The following GMDS variants were observed in gnomAD, a reference collection of about 807,000 sequenced individuals.
GMDS encodes the protein GDP-mannose 4,6-dehydratase.
GMDS carries 20 observed loss-of-function variants against 49.9 expected under a neutral mutation model. That is an observed-to-expected ratio of 0.40 (90% CI 0.28 to 0.58). The LOEUF (loss-of-function observed/expected upper bound fraction) is 0.58, where lower values mean the gene tolerates loss of function less well. Among genes scored for constraint, GMDS ranks in the 20% least tolerant of loss-of-function variants. The pLI, the probability that GMDS is intolerant of heterozygous loss-of-function variation, is 0.42. For synonymous variants in GMDS, 177 were observed against 178.6 expected, an observed-to-expected ratio of 0.99 and a Z score of 0.07; for missense variants, 362 against 481.4, an observed-to-expected ratio of 0.75 and a Z score of 2.32.
chr6:2,080,533 C>G (rs534683510), intron 4 of GMDS, among the ~76,000 whole-genome samples: 13 of 152,256 alleles, frequency 8.5e-5, no homozygotes, highest in African/African-American at 2.9e-4. Context: ...AGCTATGATT[C>G]TAGATGTATG....
At chr6:1,865,299 T>C (rs913534562) in intron 7 of GMDS, among the ~76,000 whole-genome samples, 3 of 152,226 alleles carry the variant, frequency 2.0e-5, no homozygotes, top group Non-Finnish European at 4.4e-5. Flanking sequence ...GAAAAATTAC[T>C]ACTAGGAATA....
intron 9 of GMDS, among the ~76,000 whole-genome samples, chr6:1,664,258 A>G (rs899635716): frequency 1.3e-5 from 2 of 152,192 alleles, no homozygotes; most frequent in Non-Finnish European, 1.5e-5. Flanking sequence ...GTCAGCCTTC[A>G]GTCAAAACTA....
At chr6:1,815,470 C>T (rs981483661) in intron 7 of GMDS, among the ~76,000 whole-genome samples, 1 of 152,162 alleles carries the variant, frequency 6.6e-6, no homozygotes, top group Non-Finnish European at 1.5e-5. Flanking sequence ...CTGAATAGAT[C>T]CCTAGACCTG....
chr6:1,997,286 A>G (rs1012257283), intron 4 of GMDS, among the ~76,000 whole-genome samples: 2 of 151,912 alleles, frequency 1.3e-5, no homozygotes, highest in Non-Finnish European at 2.9e-5. Context: ...AAGGTGGGCA[A>G]ATCACGAGGT....
intron 1 of GMDS, among the ~76,000 whole-genome samples, chr6:2,202,262 C>T (rs1006326046): frequency 6.7e-6 from 1 of 149,664 alleles, no homozygotes; most frequent in Non-Finnish European, 1.5e-5. Context: ...ACATGGACAT[C>T]CGAGATGAAA....
chr6:1,745,247 A>C (rs1351694684), intron 7 of GMDS, among the ~76,000 whole-genome samples: 1 of 152,220 alleles, frequency 6.6e-6, no homozygotes, highest in East Asian at 1.9e-4. Flanking sequence ...GGTCTCAAAA[A>C]AGTCCTATTT....
At chr6:2,222,004 A>C (rs774572731) in intron 1 of GMDS, among the ~76,000 whole-genome samples, 2 of 152,204 alleles carry the variant, frequency 1.3e-5, no homozygotes, top group Non-Finnish European at 2.9e-5. Flanking sequence ...GAAATACAAA[A>C]ATTAAACAGT....
At chr6:1,687,908 C>T (rs112738036) in intron 9 of GMDS, among the ~76,000 whole-genome samples, 8 of 152,074 alleles carry the variant, frequency 5.3e-5, no homozygotes, top group Middle Eastern at 3.4e-3. Context: ...CTGTAAGCTG[C>T]GGGAAGGACC....
chr6:1,924,279 G>C (rs1192292150), intron 7 of GMDS, among the ~76,000 whole-genome samples: 4 of 152,172 alleles, frequency 2.6e-5, no homozygotes, highest in African/African-American at 9.7e-5. Flanking sequence ...AAAGGATGCA[G>C]GTATATGACG....
intron 4 of GMDS, among the ~76,000 whole-genome samples, chr6:1,988,275 T>C (rs1206538291): frequency 1.3e-5 from 2 of 152,124 alleles, no homozygotes; most frequent in East Asian, 3.8e-4. Flanking sequence ...ATATTTTCTC[T>C]TAGATACAAT....
At chr6:2,239,137 T>C (rs1386896433) in intron 1 of GMDS, among the ~76,000 whole-genome samples, 2 of 152,190 alleles carry the variant, frequency 1.3e-5, no homozygotes, top group Non-Finnish European at 2.9e-5. Context: ...AAGACCAGCC[T>C]GGCCAACATG....
intron 7 of GMDS, among the ~76,000 whole-genome samples, chr6:1,868,160 T>A: frequency 6.6e-6 from 1 of 152,102 alleles, no homozygotes; most frequent in East Asian, 1.9e-4. Flanking sequence ...CTAATTTTTA[T>A]ATTTTTAGTA....
chr6:2,001,246 T>C (rs1263375634), intron 4 of GMDS, among the ~76,000 whole-genome samples: 22 of 152,240 alleles, frequency 1.4e-4, no homozygotes, highest in Admixed American at 1.4e-3. Flanking sequence ...TGACTAATGA[T>C]GTCAAGCATC....
At chr6:1,780,648 T>G (rs1769041267) in intron 7 of GMDS, among the ~76,000 whole-genome samples, 1 of 152,220 alleles carries the variant, frequency 6.6e-6, no homozygotes, top group Non-Finnish European at 1.5e-5. Flanking sequence ...CGCGCTGCTC[T>G]GCCCATCCTC....
chr6:1,690,589 A>G (rs931905638), intron 9 of GMDS, among the ~76,000 whole-genome samples: 2 of 152,192 alleles, frequency 1.3e-5, no homozygotes, highest in Non-Finnish European at 2.9e-5. Flanking sequence ...GGAATGGGAG[A>G]AAAGTTTTGC....
chr6:1,665,102 T>A (rs894059784), intron 9 of GMDS, among the ~76,000 whole-genome samples: 1 of 152,226 alleles, frequency 6.6e-6, no homozygotes, highest in East Asian at 1.9e-4. Context: ...CTTTTTAATT[T>A]TTTTTATTAT....
At chr6:2,097,325 C>G (rs1023709027) in intron 4 of GMDS, among the ~76,000 whole-genome samples, 1 of 152,030 alleles carries the variant, frequency 6.6e-6, no homozygotes, top group Non-Finnish European at 1.5e-5. Context: ...CAAAGCCCCT[C>G]GGCGACTGAG....
chr6:2,035,782 G>A (rs1223008808), intron 4 of GMDS, among the ~76,000 whole-genome samples: 1 of 152,068 alleles, frequency 6.6e-6, no homozygotes. Context: ...TACCTCCCAA[G>A]TTCAAGTGAT....
intron 6 of GMDS, among the ~76,000 whole-genome samples, chr6:1,943,946 T>C (rs943101601): frequency 2.0e-5 from 3 of 152,184 alleles, no homozygotes. Flanking sequence ...ACTGGAACAA[T>C]ATAGAGATAT....
Sources: gnomAD v4.1 joint callset for allele counts (sites outside exome capture counted in the v4.1 genomes callset) on GRCh38, gnomAD v4.1.1 for gene constraint, MANE v1.5 for transcripts, NCBI Gene and HGNC (gene_info 2026-07-23, HGNC 2026-07-21) for gene names.